The following CACNB2 variants were observed in gnomAD, a reference collection of about 807,000 sequenced individuals.
The protein encoded by CACNB2 is voltage-dependent L-type calcium channel subunit beta-2.
In CACNB2, 42 loss-of-function variants were observed where a neutral mutation model predicts 73.3. The ratio of observed to expected loss-of-function variants is 0.57; its 90% CI spans 0.45 to 0.74. The LOEUF (loss-of-function observed/expected upper bound fraction) is 0.74, where lower values mean the gene tolerates loss of function less well. Ranked by LOEUF, CACNB2 falls within the 30% of genes least tolerant of loss-of-function variation. CACNB2 has a pLI of 0.00. For missense variants in CACNB2, 940 were observed against 853.0 expected, an observed-to-expected ratio of 1.10 and a Z score of -1.27; for synonymous variants, 348 against 310.3, an observed-to-expected ratio of 1.12 and a Z score of -1.28.
At chr10:18,409,266 C>G (rs1201701508) in intron 3 of CACNB2, among the ~76,000 whole-genome samples, 1 of 150,856 alleles carries the variant, frequency 6.6e-6, no homozygotes, top group African/African-American at 2.4e-5. Context: ...CCATTGCACT[C>G]CAGCCTGGGC....
At chr10:18,167,509 G>T (rs1168333050) in intron 2 of CACNB2, among the ~76,000 whole-genome samples, 2 of 152,158 alleles carry the variant, frequency 1.3e-5, no homozygotes, top group East Asian at 3.9e-4. Flanking sequence ...GGGGAGGAGG[G>T]CCAGTGAGGG....
At chr10:18,451,083 G>C (rs888563962) in intron 3 of CACNB2, among the ~76,000 whole-genome samples, 15 of 152,190 alleles carry the variant, frequency 9.9e-5, no homozygotes, top group Non-Finnish European at 1.0e-4. Flanking sequence ...ATCTATTAAA[G>C]TCAGCTCTAT....
chr10:18,330,369 G>A (rs959780890), intron 2 of CACNB2, among the ~76,000 whole-genome samples: 2 of 152,094 alleles, frequency 1.3e-5, no homozygotes, highest in African/African-American at 4.8e-5. Context: ...AAAGTTAGAT[G>A]GCCAGGTGAA....
chr10:18,314,492 C>T (rs1475545710), intron 2 of CACNB2, among the ~76,000 whole-genome samples: 2 of 151,016 alleles, frequency 1.3e-5, no homozygotes, highest in Non-Finnish European at 2.9e-5. Context: ...GTTTTTCCTC[C>T]TTCTTCAAGT....
intron 2 of CACNB2, among the ~76,000 whole-genome samples, chr10:18,373,904 A>T (rs1460286305): frequency 6.6e-6 from 1 of 152,216 alleles, no homozygotes; most frequent in Non-Finnish European, 1.5e-5. Flanking sequence ...AGATGTAAAA[A>T]CAGAGAATAC....
intron 2 of CACNB2, among the ~76,000 whole-genome samples, chr10:18,237,048 A>T (rs1402917573): frequency 6.6e-6 from 1 of 152,170 alleles, no homozygotes; most frequent in East Asian, 1.9e-4. Flanking sequence ...GGCTCTGCTT[A>T]CCCAGGGATC....
intron 10 of CACNB2, among the ~76,000 whole-genome samples, chr10:18,530,086 G>A (rs2052848357): frequency 1.3e-5 from 2 of 152,056 alleles, no homozygotes; most frequent in Admixed American, 6.6e-5. Context: ...GAACTACATG[G>A]GAAAGACCAA....
At chr10:18,160,218 A>G (rs1196164214) in intron 2 of CACNB2, among the ~76,000 whole-genome samples, 1 of 152,178 alleles carries the variant, frequency 6.6e-6, no homozygotes, top group Non-Finnish European at 1.5e-5. Context: ...TTCCTCATTC[A>G]TATATTATTT....
intron 11 of CACNB2, among the ~76,000 whole-genome samples, chr10:18,534,836 T>G (rs908495745): frequency 2.0e-5 from 3 of 152,356 alleles, no homozygotes; most frequent in Non-Finnish European, 4.4e-5. Flanking sequence ...TTTCATAGAA[T>G]ACCATTTTTA....
At chr10:18,455,189 A>G (rs1023867890) in intron 3 of CACNB2, among the ~76,000 whole-genome samples, 1 of 152,206 alleles carries the variant, frequency 6.6e-6, no homozygotes, top group Non-Finnish European at 1.5e-5. Context: ...TTTTTAGGAA[A>G]AAGTGTGACA....
intron 2 of CACNB2, among the ~76,000 whole-genome samples, chr10:18,195,033 G>C (rs760587678): frequency 1.3e-5 from 2 of 151,926 alleles, no homozygotes; most frequent in African/African-American, 2.4e-5. Context: ...TTTTTCCTTA[G>C]AGTTTAAAAA....
chr10:18,539,197 G>C, intron 13 of CACNB2, 33 bp from the exon 14 acceptor site: 1 of 1,613,558 alleles, frequency 6.2e-7, no homozygotes, highest in Non-Finnish European at 8.5e-7. Context: ...CACTGACCTT[G>C]GTTAACGCCT....
Position 18,536,275 on chromosome 10 carries a change from G to GTTTTTTTTTT in CACNB2, c.1302+79_1302+80insTTTTTTTTTT, listed in dbSNP as rs2053587888. 473 of 92,468 alleles carry GTTTTTTTTTT rather than the reference G, an allele frequency of 5.1e-3. 101 individuals are homozygous for GTTTTTTTTTT. The highest frequency in any genetic ancestry group is 0.022 in the African/African-American group (228 of 10,140). The allele number at this position is 92,468 out of a possible 1,614,324, so 5.7% of individuals were successfully genotyped here. A position where few individuals can be genotyped will look rare whatever the true frequency, so the allele number is the denominator to read the frequency against. On this transcript the variant is annotated intron_variant, in intron 12 of 13. Transcript: ENST00000324631. The stretch of plus-strand genomic sequence containing the variant: ...TTTTTTTTTTTTTTTTTTTTTTTTG[G>GTTTTTTTTTT]GGGACAAGGTCTTGCTCTGTTGCCC...
At chr10:18,168,085 G>T (rs1238668276) in intron 2 of CACNB2, among the ~76,000 whole-genome samples, 2 of 151,164 alleles carry the variant, frequency 1.3e-5, no homozygotes, top group African/African-American at 2.4e-5. Flanking sequence ...TAAAAAAATT[G>T]TTGTTTGTTT....
chr10:18,538,143 C>G (rs762982477), intron 12 of CACNB2, 37 bp from the exon 13 acceptor site: 3 of 1,608,558 alleles, frequency 1.9e-6, no homozygotes, highest in Non-Finnish European at 2.6e-6. Flanking sequence ...GAAAACTGGG[C>G]TGGCATCAAT....
In CACNB2 at chr10:18,181,847, C is replaced by T. The variant is rs537083475; in HGVS notation, c.213+30872C>T. Reference sequence around the variant, plus strand: ...ATGTTATCCAGGCTAACCTTGAATTCCTGGCCTCCAGCAATTCTCCCATGT... The same window carrying T: ...ATGTTATCCAGGCTAACCTTGAATTTCTGGCCTCCAGCAATTCTCCCATGT... On this transcript the variant is annotated intron_variant, in intron 2 of 13. Transcript: ENST00000324631. 5.9e-5 allele frequency: 9 copies of T among 151,774 alleles called. No homozygotes were observed. The East Asian group carries it at 1.7e-3, about 30-fold the overall frequency. 9.4% of individuals were successfully genotyped at this position (151,774 alleles called of 1,614,324 possible). A position where few individuals can be genotyped will look rare whatever the true frequency, so the allele number is the denominator to read the frequency against.
intron 2 of CACNB2, among the ~76,000 whole-genome samples, chr10:18,377,092 T>G (rs1330387003): frequency 6.6e-6 from 1 of 152,210 alleles, no homozygotes; most frequent in African/African-American, 2.4e-5. Context: ...ATTGCATGCC[T>G]GTATCAACAT....
At chr10:18,382,592 G>C (rs563374873) in intron 2 of CACNB2, among the ~76,000 whole-genome samples, 1 of 151,960 alleles carries the variant, frequency 6.6e-6, no homozygotes, top group South Asian at 2.1e-4. Flanking sequence ...CCCTGTGTCC[G>C]TGTGTTCTCA....
Position 18,539,148 on chromosome 10 carries a change from T to C in CACNB2, c.1489-82T>C, listed in dbSNP as rs2053896124. On this transcript the variant is annotated intron_variant, in intron 13 of 13. Transcript: ENST00000324631. ...AGCTTTTCGGATGCTTAAAAAGGAC[T>C]CTGCTTGAATGCACTTGCTCTGGGA... 13 of 1,572,542 alleles carry C rather than the reference T, an allele frequency of 8.3e-6. No homozygotes were observed. The South Asian group carries it at 1.5e-4, about 18-fold the overall frequency.
Sources: allele counts gnomAD v4.1 joint callset (sites outside exome capture counted in the v4.1 genomes callset), GRCh38; gene constraint gnomAD v4.1.1; transcripts MANE v1.5; gene names NCBI Gene and HGNC (gene_info 2026-07-23, HGNC 2026-07-21).